Variants in ZNF777 observed in about 807,000 individuals in gnomAD.
The protein encoded by ZNF777 is zinc finger protein 777.
In ZNF777, 7 loss-of-function variants were observed where a neutral mutation model predicts 72.1. The observed-to-expected ratio is 0.10, with a 90% confidence interval of 0.06 to 0.18. ZNF777 has a LOEUF of 0.18. Ranked by LOEUF, ZNF777 falls within the 10% of genes least tolerant of loss-of-function variation. ZNF777 has a pLI of 1.00. For missense variants in ZNF777, 828 were observed against 1,128.6 expected (o/e 0.73, Z 3.82); for synonymous variants, 545 against 483.5 (o/e 1.13, Z -1.67).
intron 5 of ZNF777, among the ~76,000 whole-genome samples, chr7:149,435,284 C>T (rs1368795267): frequency 6.6e-6 from 1 of 152,172 alleles, no homozygotes; most frequent in Admixed American, 6.5e-5. Flanking sequence ...AATCCTCCCA[C>T]CTCAGCCTCC....
chr7:149,436,319 A>G lies in ZNF777; in HGVS notation c.1339+256T>C, dbSNP rs1014820871. On this transcript the variant is annotated intron_variant, in intron 5 of 5. Transcript: ENST00000247930. The surrounding 1 kb of genome is among the most constrained non-coding windows in gnomAD (Gnocchi z 5.0). ...CTCTGTCTGTAAAATGAGGGGTGGG[A>G]TAGGTGAGCTCTGAGATCCCTTTGC... Among the ~76,000 whole-genome samples the G allele has an allele frequency of 2.6e-5, 4 of 152,094 alleles. No individual in the cohort carries two copies. Among genetic ancestry groups the G allele is most frequent in the Non-Finnish European group, 5.9e-5 (4 of 68,000 alleles).
chr7:149,454,817 T>C (rs571176826), intron 2 of ZNF777, among the ~76,000 whole-genome samples: 2 of 152,366 alleles, frequency 1.3e-5, no homozygotes, highest in East Asian at 3.9e-4. Flanking sequence ...ATCCTTGTGA[T>C]GTTTAACCCA....
chr7:149,433,896 G>T (rs7795897), intron 5 of ZNF777, among the ~76,000 whole-genome samples: 7,082 of 152,280 alleles, frequency 0.047, 419 homozygotes, highest in African/African-American at 0.13. Context: ...GCACTAACTG[G>T]TGAGTTCTAT....
chr7:149,432,627 T>G lies in ZNF777; in HGVS notation c.1645A>C (p.Met549Leu). 1 of 1,613,416 alleles carries G rather than the reference T, an allele frequency of 6.2e-7. No individual in the cohort carries two copies. The highest frequency in any genetic ancestry group is 8.5e-7 in the Non-Finnish European group (1 of 1,179,686). Residue 549 changes from methionine (M) to leucine (L), a missense_variant, in exon 6 of 6, where the codon ATG (methionine) becomes CTG (leucine). Physicochemically the swap from Met to Leu is conservative, Grantham distance 15. Transcript: ENST00000247930. ...AGGCGGAAGCTCTTGCCGCACTCCA[T>G]GCATGTGAAGGGCCGCTCGCCGCGC... ...NRRGERPFTCMECGKSFRLKI... is the reference protein window; with the variant it reads ...NRRGERPFTCLECGKSFRLKI...
chr7:149,438,347 T>G (rs927166900), intron 4 of ZNF777, among the ~76,000 whole-genome samples: 1 of 152,210 alleles, frequency 6.6e-6, no homozygotes, highest in Non-Finnish European at 1.5e-5. Context: ...GCTGTATATA[T>G]TCCATGGTCA....
chr7:149,439,023 A>T (rs1585690827), intron 4 of ZNF777, among the ~76,000 whole-genome samples: 1 of 152,150 alleles, frequency 6.6e-6, no homozygotes, highest in East Asian at 1.9e-4. Context: ...AGAAAAAGTC[A>T]TCCATACCTC....
chr7:149,434,203 C>G (rs1799374285), intron 5 of ZNF777, among the ~76,000 whole-genome samples: 1 of 152,176 alleles, frequency 6.6e-6, no homozygotes, highest in African/African-American at 2.4e-5. Flanking sequence ...CCCACCTGGT[C>G]TACCTCCTCA....
rs1473067863 is a variant in ZNF777 at position 149,432,762 on chromosome 7, G to A, written c.1510C>T (p.Pro504Ser). 1.2e-6 allele frequency: 2 copies of A among 1,610,628 alleles called. No homozygotes were observed. Among genetic ancestry groups the A allele is most frequent in the South Asian group, 2.2e-5 (2 of 90,930 alleles). Residue 504 changes from proline (P) to serine (S), a missense_variant, in exon 6 of 6, where the codon CCG (proline) becomes TCG (serine). Pro to Ser is a moderately conservative substitution (Grantham distance 74, BLOSUM62 -1). This residue lies in a region of ZNF777 where 219 missense variants were observed against 223.0 expected (regional missense o/e 0.98). Transcript: ENST00000247930. ...GCGGGGTTTCCTAGCTGCAGGGGCG[G>A]GGGGCTCTCCTCGCCCTCGGGGGAC... ...EMSPEGEESP[P>S]PLQLGNPAVK...
At chr7:149,445,957 T>C (rs978406880) in intron 4 of ZNF777, among the ~76,000 whole-genome samples, 8 of 152,280 alleles carry the variant, frequency 5.3e-5, no homozygotes, top group African/African-American at 1.9e-4. Flanking sequence ...GGGGTGCAAA[T>C]TGGGTTTCTT....
rs373740198 is a variant in ZNF777 at position 149,436,849 on chromosome 7, G to A, written c.1088-23C>T. 4.0e-5 allele frequency: 64 copies of A among 1,595,262 alleles called. No individual in the cohort carries two copies. Among genetic ancestry groups the A allele is most frequent in the Non-Finnish European group, 5.1e-5 (59 of 1,165,224 alleles). ...GCGCTGAGAGAGGGTGGGCAGGGGT[G>A]AGGAGGAGAAAAGAACCCAGAATGT... On this transcript the variant is annotated intron_variant, in intron 4 of 5. Coordinates refer to ENST00000247930, the MANE Select transcript of ZNF777 (RefSeq NM_015694.3). This position sits in a 1 kb window ranked among gnomAD's most constrained non-coding sequence, Gnocchi z 5.0.
At chr7:149,459,617 A>C (rs1203661088) in intron 1 of ZNF777, 2 of 983,662 alleles carry the variant, frequency 2.0e-6, no homozygotes, top group Admixed American at 1.2e-4. Context: ...CCCTCTGGGC[A>C]GGCCTTTCTG....
At chr7:149,456,265 C>A (rs1297247916) in intron 1 of ZNF777, among the ~76,000 whole-genome samples, 1 of 152,170 alleles carries the variant, frequency 6.6e-6, no homozygotes, top group East Asian at 1.9e-4. Flanking sequence ...TTGTTTCTCA[C>A]AGAGCCATCT....
Position 149,460,168 on chromosome 7 carries a change from G to T in ZNF777, c.-16+647C>A. ...CCATGGCCCTGCGCTGTCCGGCCCG[G>T]GCCCCCGGAGTCGCCGCCGCTACTG... On this transcript the variant is annotated intron_variant, in intron 1 of 5. Transcript: ENST00000247930. The surrounding 1 kb of genome is among the most constrained non-coding windows in gnomAD (Gnocchi z 6.1). 2.1e-6 allele frequency: 2 copies of T among 933,336 alleles called. No individual in the cohort carries two copies. The highest frequency in any genetic ancestry group is 2.5e-6 in the Non-Finnish European group (2 of 785,200). The allele number at this position is 933,336 out of a possible 1,614,324, so 57.8% of individuals were successfully genotyped here.
rs749199389 is a variant in ZNF777, at chr7:149,454,241, A to T, written c.847-4T>A. The T allele has an allele frequency of 6.2e-7, 1 of 1,614,006 alleles. No homozygotes were observed. The highest frequency in any genetic ancestry group is 1.7e-5 in the Admixed American group (1 of 60,008). On this transcript the variant is annotated splice_region_variant and splice_polypyrimidine_tract_variant and intron_variant, in intron 2 of 5. Transcript: ENST00000247930. Reference sequence around the variant, plus strand: ...CATCATCAAATGTGACAGGGACCTGAAACCACACAATAACTCGGCTCAGAC... The same window carrying T: ...CATCATCAAATGTGACAGGGACCTGTAACCACACAATAACTCGGCTCAGAC...
chr7:149,432,819 T>C lies in ZNF777; in HGVS notation c.1453A>G (p.Ser485Gly). The change falls in exon 6 of 6, where the codon AGT (serine) becomes GGT (glycine). Residue 485 changes from serine (S) to glycine (G), a missense_variant. By Grantham distance (56) the Ser-to-Gly change is moderately conservative. Transcript: ENST00000247930. ...CCGGGCAGCGGGGTCTGGTACATAC[T>C]GGCCTCATATCTCCCGGACAGCTGC... ...LGQLSGRYEASMYQTPLPGEM... is the reference protein window; with the variant it reads ...LGQLSGRYEAGMYQTPLPGEM... 6.2e-7 allele frequency: 1 copy of C among 1,602,170 alleles called. No individual in the cohort carries two copies.
In ZNF777 at chr7:149,436,508, A is replaced by G; in HGVS notation, c.1339+67T>C. On this transcript the variant is annotated intron_variant, in intron 5 of 5. Coordinates refer to ENST00000247930, the MANE Select transcript of ZNF777 (RefSeq NM_015694.3). This position sits in a 1 kb window ranked among gnomAD's most constrained non-coding sequence, Gnocchi z 5.0. ...TCTCTGAAGGAACCACAGCTTTCCC[A>G]GGGGGCAGGGGCCCTCTGGGAGGCC... 6.6e-7 allele frequency: 1 copy of G among 1,507,796 alleles called. No individual in the cohort carries two copies. Among genetic ancestry groups the G allele is most frequent in the Non-Finnish European group, 8.8e-7 (1 of 1,130,130 alleles). 93.4% of individuals were successfully genotyped at this position (1,507,796 alleles called of 1,614,324 possible). A position where few individuals can be genotyped will look rare whatever the true frequency, so the allele number is the denominator to read the frequency against.
Position 149,436,829 on chromosome 7 carries a change from G to T in ZNF777, c.1088-3C>A. 2 of 1,603,684 alleles carry T rather than the reference G, an allele frequency of 1.2e-6. No individual in the cohort carries two copies. Among genetic ancestry groups the T allele is most frequent in the Non-Finnish European group, 1.7e-6 (2 of 1,171,164 alleles). ...CTTAATCACGATCCCATCGTGCGCT[G>T]AGAGAGGGTGGGCAGGGGTGAGGAG... On this transcript the variant is annotated splice_polypyrimidine_tract_variant and splice_region_variant and intron_variant, in intron 4 of 5. Coordinates refer to ENST00000247930, the MANE Select transcript of ZNF777 (RefSeq NM_015694.3). The surrounding 1 kb of genome is among the most constrained non-coding windows in gnomAD (Gnocchi z 5.0).
At chr7:149,433,886 G>A (rs766501717) in intron 5 of ZNF777, among the ~76,000 whole-genome samples, 19 of 152,176 alleles carry the variant, frequency 1.2e-4, no homozygotes, top group Non-Finnish European at 2.5e-4. Context: ...TACTTATTTG[G>A]CACTAACTGG....
intron 5 of ZNF777, 90 bp from the exon 6 acceptor site, chr7:149,433,022 C>G (rs2116566704): frequency 7.0e-7 from 1 of 1,421,420 alleles, no homozygotes; most frequent in Non-Finnish European, 9.2e-7. Context: ...TTCACCCTCA[C>G]CAAAACATTG....
Sources: gnomAD v4.1 joint callset for allele counts (sites outside exome capture counted in the v4.1 genomes callset) on GRCh38, gnomAD v4.1.1 for gene constraint, gnomAD v4.1.1 regional missense constraint, Gnocchi (gnomAD v3.1) non-coding constraint, MANE v1.5 for transcripts, NCBI Gene and HGNC (gene_info 2026-07-23, HGNC 2026-07-21) for gene names.